RNF38: variants seen among roughly 807,000 people sequenced by gnomAD.
RNF38 encodes the protein ring finger protein 38.
RNF38 carries 15 observed loss-of-function variants against 67.2 expected under a neutral mutation model. The observed-to-expected ratio is 0.22, with a 90% CI of 0.15 to 0.34. The LOEUF (loss-of-function observed/expected upper bound fraction) is 0.34, where lower values mean the gene tolerates loss of function less well. Among genes scored for constraint, RNF38 ranks in the 10% least tolerant of loss-of-function variants. The pLI, the probability that RNF38 is intolerant of heterozygous loss-of-function variation, is 1.00. For synonymous variants in RNF38, 220 were observed against 218.8 expected (o/e 1.01, Z -0.05); for missense variants, 524 against 639.9 (o/e 0.82, Z 1.95).
intron 2 of RNF38, among the ~76,000 whole-genome samples, chr9:36,413,836 T>A (rs1338502908): frequency 1.3e-5 from 2 of 152,366 alleles, no homozygotes; most frequent in Non-Finnish European, 2.9e-5. Context: ...GTGCTGTCAG[T>A]GGAGTATTGA....
At chr9:36,423,059 T>C (rs546320404) in intron 2 of RNF38, among the ~76,000 whole-genome samples, 3 of 152,330 alleles carry the variant, frequency 2.0e-5, no homozygotes, top group African/African-American at 7.2e-5. Context: ...GCACAATCAC[T>C]TGTAACATTA....
intron 2 of RNF38, among the ~76,000 whole-genome samples, chr9:36,387,310 C>T (rs1222699308): frequency 1.3e-5 from 2 of 152,194 alleles, no homozygotes; most frequent in African/African-American, 2.4e-5. Context: ...ATCAGGACCC[C>T]TTTCTGTTAA....
intron 4 of RNF38, among the ~76,000 whole-genome samples, chr9:36,368,674 T>A (rs117562528): frequency 0.022 from 3,296 of 152,278 alleles, 79 homozygotes; most frequent in South Asian, 0.03. Context: ...ATGAACATAA[T>A]AAAAATGTCT....
At chr9:36,354,842 A>ATT (rs1833982653) in intron 6 of RNF38, among the ~76,000 whole-genome samples, 3 of 152,256 alleles carry the variant, frequency 2.0e-5, no homozygotes, top group Admixed American at 6.5e-5. Context: ...TGTTATTCAA[A>ATT]TATAAGTAAA....
At chr9:36,373,320 T>C (rs1179888264) in intron 3 of RNF38, among the ~76,000 whole-genome samples, 1 of 152,220 alleles carries the variant, frequency 6.6e-6, no homozygotes, top group Admixed American at 6.5e-5. Context: ...AATAGAACTA[T>C]TGCTACTGCT....
intron 9 of RNF38, among the ~76,000 whole-genome samples, 178 bp from the exon 10 acceptor site, chr9:36,345,131 C>T (rs990443287): frequency 2.6e-5 from 4 of 152,082 alleles, no homozygotes; most frequent in Admixed American, 6.5e-5. Context: ...ATACTCTTGC[C>T]TCAGCCTTCT....
upstream of RNF38, among the ~76,000 whole-genome samples, chr9:36,404,716 T>C (rs966976213): frequency 1.3e-5 from 2 of 152,224 alleles, no homozygotes; most frequent in Non-Finnish European, 2.9e-5. Flanking sequence ...GAGTTTTCTA[T>C]ACAAACAATT....
chr9:36,353,405 A>C lies in RNF38; in HGVS notation c.910-74T>G, dbSNP rs73648739. 1,060 of 1,072,224 alleles carry C rather than the reference A, an allele frequency of 9.9e-4. 9 individuals are homozygous for C. In the African/African-American group the frequency reaches 0.015, roughly 15 times the overall value. The allele number at this position is 1,072,224 out of a possible 1,614,324, so 66.4% of individuals were successfully genotyped here. ...CCTGTGTTTAGATAGATTATGCTTT[A>C]TAATAATCACAAATTTAAAATCCCA... On this transcript the variant is annotated intron_variant, in intron 6 of 11. Coordinates refer to ENST00000259605, the MANE Select transcript of RNF38 (RefSeq NM_022781.5).
intron 2 of RNF38, among the ~76,000 whole-genome samples, chr9:36,406,524 A>C (rs184529291): frequency 1.4e-4 from 21 of 152,358 alleles, no homozygotes; most frequent in African/African-American, 5.0e-4. Context: ...TCTGCCTTCC[A>C]ACTTTGTATT....
intron 2 of RNF38, among the ~76,000 whole-genome samples, chr9:36,378,003 T>C (rs1835906679): frequency 6.8e-6 from 1 of 146,452 alleles, no homozygotes; most frequent in Non-Finnish European, 1.5e-5. Flanking sequence ...TATGTTCTGA[T>C]AATCCTAAAA....
intron 1 of RNF38, among the ~76,000 whole-genome samples, chr9:36,391,173 G>A (rs1392796189): frequency 6.6e-6 from 1 of 152,004 alleles, no homozygotes; most frequent in Non-Finnish European, 1.5e-5. Context: ...AGGAATAAAG[G>A]ACACAATCAT....
chr9:36,368,778 A>G (rs1035879821), intron 4 of RNF38, among the ~76,000 whole-genome samples: 1 of 152,168 alleles, frequency 6.6e-6, no homozygotes, highest in Non-Finnish European at 1.5e-5. Flanking sequence ...TTGAGATCCT[A>G]TTCTCATTAG....
chr9:36,398,207 A>G (rs951567060), intron 1 of RNF38, among the ~76,000 whole-genome samples: 2 of 152,210 alleles, frequency 1.3e-5, no homozygotes, highest in African/African-American at 4.8e-5. Flanking sequence ...AACAGGAACT[A>G]CAAGAAGATA....
At chr9:36,445,498 A>G (rs1392715089) in intron 1 of RNF38, among the ~76,000 whole-genome samples, 1 of 152,236 alleles carries the variant, frequency 6.6e-6, no homozygotes, top group Non-Finnish European at 1.5e-5. Context: ...TTGAGTTTGG[A>G]TAACTGGTCA....
rs1238363830 is a variant in RNF38 at position 36,369,579 on chromosome 9, C to A, written c.570+140G>T. 5 of 678,578 alleles carry A rather than the reference C, an allele frequency of 7.4e-6. No homozygotes were observed. The East Asian group carries it at 1.4e-4, about 19-fold the overall frequency. 42.0% of individuals were successfully genotyped at this position (678,578 alleles called of 1,614,324 possible). A position where few individuals can be genotyped will look rare whatever the true frequency, so the allele number is the denominator to read the frequency against. On this transcript the variant is annotated intron_variant, in intron 4 of 11. Transcript: ENST00000259605. ...GCTGTGTAGAATTTAAATCTCAATT[C>A]TTAAAAGGAATGAGGAACTTAAATA...
Position 36,427,803 on chromosome 9 carries a change from C to T in RNF38, n.242-3120G>A, listed in dbSNP as rs141536054. Among the ~76,000 whole-genome samples the T allele has an allele frequency of 6.6e-4, 100 of 151,922 alleles. 1 individual carries two copies. The East Asian group carries it at 0.017, about 25-fold the overall frequency. On this transcript the variant is annotated intron_variant and non_coding_transcript_variant, in intron 1 of 3. Transcript: ENST00000488058. Reference sequence around the variant, plus strand: ...TTGGCTCACTGCAACCTCCACCTCCCGGGTTCAAGCGATTATCCTGTCTCA... The same window carrying T: ...TTGGCTCACTGCAACCTCCACCTCCTGGGTTCAAGCGATTATCCTGTCTCA...
At chr9:36,421,940 G>A (rs1838639610) in intron 2 of RNF38, among the ~76,000 whole-genome samples, 1 of 151,682 alleles carries the variant, frequency 6.6e-6, no homozygotes, top group East Asian at 2.0e-4. Flanking sequence ...CCTGTTGAAA[G>A]CTATAATCTG....
At chr9:36,409,706 G>A (rs1838275851) in intron 2 of RNF38, among the ~76,000 whole-genome samples, 1 of 152,200 alleles carries the variant, frequency 6.6e-6, no homozygotes, top group Non-Finnish European at 1.5e-5. Flanking sequence ...ACTGATGATA[G>A]TTTTAGGATC....
chr9:36,395,045 A>G (rs1267127186), intron 1 of RNF38, among the ~76,000 whole-genome samples: 1 of 152,234 alleles, frequency 6.6e-6, no homozygotes, highest in Non-Finnish European at 1.5e-5. Context: ...CCATATAATC[A>G]TATGACTAAT....
Sources: gnomAD v4.1 joint callset for allele counts (sites outside exome capture counted in the v4.1 genomes callset) on GRCh38, gnomAD v4.1.1 for gene constraint, MANE v1.5 for transcripts, NCBI Gene and HGNC (gene_info 2026-07-23, HGNC 2026-07-21) for gene names.